Variants in CERCAM observed in about 807,000 individuals in gnomAD.
The protein encoded by CERCAM is inactive glycosyltransferase 25 family member 3.
CERCAM carries 59 observed loss-of-function variants against 66.0 expected under a neutral mutation model. That is an observed-to-expected ratio of 0.89 (90% confidence interval 0.73 to 1.11). The LOEUF (loss-of-function observed/expected upper bound fraction) is 1.11. Among genes scored for constraint, CERCAM ranks in the 50% most tolerant of loss-of-function variants. The pLI is 0.00. For missense variants in CERCAM, 840 were observed against 828.3 expected (o/e 1.01, Z -0.17); for synonymous variants, 318 against 343.6 (o/e 0.93, Z 0.83).
Position 128,434,569 on chromosome 9 carries a change from G to C in CERCAM, c.1491G>C (p.Leu497=), listed in dbSNP as rs1036274109. The C allele has an allele frequency of 1.2e-6, 2 of 1,611,110 alleles. No homozygotes were observed. The highest frequency in any genetic ancestry group is 2.7e-5 in the African/African-American group (2 of 74,922). Residue 497 remains leucine (L), a synonymous_variant, in exon 11 of 13, where the codon CTG becomes CTC. Coordinates refer to ENST00000372838, the MANE Select transcript of CERCAM (RefSeq NM_016174.5). The surrounding 1 kb of genome is among the most constrained non-coding windows in gnomAD (Gnocchi z 4.5). ...LLASQPLRRM[L]PVDEFLPIMF... is the part of the protein sequence containing the mutation. Reference sequence around the variant, plus strand: ...CCTCACAGCCTCTGCGCCGCATGCTGCCCGTGGACGAGTTCCTGCCCATCA... The same window carrying C: ...CCTCACAGCCTCTGCGCCGCATGCTCCCCGTGGACGAGTTCCTGCCCATCA...
chr9:128,422,068 T>C (rs1464433699), intron 1 of CERCAM: 1 of 152,286 alleles, frequency 6.6e-6, no homozygotes, highest in African/African-American at 2.4e-5. Flanking sequence ...TTAGGGACGC[T>C]TAGAGCATGG....
Position 128,421,090 on chromosome 9 carries a change from A to C in CERCAM, c.197+16A>C, listed in dbSNP as rs1320900788. 1.8e-5 allele frequency: 23 copies of C among 1,280,712 alleles called. No individual in the cohort carries two copies. The highest frequency in any genetic ancestry group is 1.9e-5 in the Non-Finnish European group (19 of 1,011,510). The allele number at this position is 1,280,712 out of a possible 1,614,324, so 79.3% of individuals were successfully genotyped here. On this transcript the variant is annotated intron_variant, in intron 1 of 12. Transcript: ENST00000372838. ...TGGCCCTCTGGTGAGAGACCCGGGC[A>C]TTGGCACCGAGTGGGCACCTAACCC... is the stretch of plus-strand genomic sequence containing the variant.
intron 12 of CERCAM, 76 bp downstream of exon 12, chr9:128,435,981 T>G: frequency 7.0e-7 from 1 of 1,436,354 alleles, no homozygotes; most frequent in East Asian, 2.4e-5. Flanking sequence ...TAACTGTGTC[T>G]GGGGCTGTTT....
rs1280481322 is a variant in CERCAM at position 128,434,662 on chromosome 9, C to CAGG, written c.1535+51_1535+53dup. 1.9e-6 allele frequency: 3 copies of CAGG among 1,547,428 alleles called. No individual in the cohort carries two copies. Among genetic ancestry groups the CAGG allele is most frequent in the Non-Finnish European group, 2.6e-6 (3 of 1,139,796 alleles). Reference sequence around the variant, plus strand: ...CATGGCAGGGCAGAGGCGTCCCCTCCAGGAACTCACCTCAGTCAGCAGGAA... The same window carrying CAGG: ...CATGGCAGGGCAGAGGCGTCCCCTCCAGGAGGAACTCACCTCAGTCAGCAGGAA... On this transcript the variant is annotated intron_variant, in intron 11 of 12. Transcript: ENST00000372838. This position sits in a 1 kb window ranked among gnomAD's most constrained non-coding sequence, Gnocchi z 4.5.
At chr9:128,428,502 A>G in intron 6 of CERCAM, 81 bp downstream of exon 6, 1 of 1,540,616 alleles carries the variant, frequency 6.5e-7, no homozygotes, top group Non-Finnish European at 8.8e-7. Flanking sequence ...TAGGCCCTGG[A>G]CGGAGCGGGC....
At position 128,424,678 on chromosome 9, in the gene CERCAM, G is replaced by C. The variant is rs112044402; in HGVS notation, c.766+64G>C. ...CTGCACATTTGCACATGCTATTCCA[G>C]CTGCTTACCATGCCCTTCCCTACTC... On this transcript the variant is annotated intron_variant, in intron 5 of 12. Transcript: ENST00000372838. 1.4e-4 allele frequency: 198 copies of C among 1,446,052 alleles called. 1 individual carries two copies. In the African/African-American group the frequency reaches 2.1e-3, roughly 15 times the overall value. 89.6% of individuals were successfully genotyped at this position (1,446,052 alleles called of 1,614,324 possible).
At chr9:128,432,222 C>T (rs1433754652) in intron 9 of CERCAM, among the ~76,000 whole-genome samples, 3 of 151,918 alleles carry the variant, frequency 2.0e-5, no homozygotes, top group Non-Finnish European at 4.4e-5. Context: ...CAGGGGGTTT[C>T]GCCATATTGG....
intron 1 of CERCAM, chr9:128,421,830 C>G (rs1370601944): frequency 6.6e-6 from 1 of 152,346 alleles, no homozygotes; most frequent in Admixed American, 6.5e-5. Context: ...GGGGGTGGAG[C>G]CCTGGCCTGG....
upstream of CERCAM, chr9:128,419,857 G>A (rs1833667449): frequency 6.6e-6 from 1 of 151,976 alleles, no homozygotes; most frequent in Admixed American, 6.5e-5. Flanking sequence ...AGAGGGCTGT[G>A]AGGGCTGTGC....
chr9:128,429,373 T>C (rs1833923715), intron 8 of CERCAM, among the ~76,000 whole-genome samples: 1 of 152,130 alleles, frequency 6.6e-6, no homozygotes, highest in Non-Finnish European at 1.5e-5. Context: ...GCCCTTCTCT[T>C]AGGGTTTTGT....
chr9:128,431,202 G>A lies in CERCAM; in HGVS notation c.1102G>A (p.Gly368Ser), dbSNP rs143305223. 1,414 of 1,613,934 alleles carry A rather than the reference G, an allele frequency of 8.8e-4. 15 individuals carry two copies. The African/African-American group carries it at 0.016, about 19-fold the overall frequency. ...MLNSSAIRNL[G>S]VDLLPGYQDP... ...CAACAGCAGTGCCATCAGGAACCTC[G>A]GCGTAGACCTGCTCCCGGGCTACCA... is the stretch of plus-strand genomic sequence containing the variant. Residue 368 changes from glycine (G) to serine (S), a missense_variant, in exon 9 of 13, where the codon GGC (glycine) becomes AGC (serine). Coordinates refer to ENST00000372838, the MANE Select transcript of CERCAM (RefSeq NM_016174.5).
intron 12 of CERCAM, among the ~76,000 whole-genome samples, chr9:128,436,243 T>C (rs532473881): frequency 1.3e-4 from 20 of 151,290 alleles, no homozygotes; most frequent in Non-Finnish European, 2.7e-4. Flanking sequence ...TTTATTTTTA[T>C]TTATTTATTT....
rs746005447 is a variant in CERCAM, at chr9:128,424,531, A to G, written c.683A>G (p.Gln228Arg). Residue 228 changes from glutamine to arginine, a missense_variant, in exon 5 of 13, where the codon CAG (glutamine) becomes CGG (arginine). Gln to Arg is a conservative substitution (Grantham distance 43). Coordinates refer to ENST00000372838, the MANE Select transcript of CERCAM (RefSeq NM_016174.5). ...LASLRAEGADQLAFYPPHPNY... is the reference protein window; with the variant it reads ...LASLRAEGADRLAFYPPHPNY... The stretch of plus-strand genomic sequence containing the variant: ...TCCCTGCGGGCTGAAGGGGCAGACC[A>G]GCTTGCTTTCTACCCGCCACATCCC... 10 of 1,613,956 alleles carry G rather than the reference A, an allele frequency of 6.2e-6. No homozygotes were observed. The highest frequency in any genetic ancestry group is 5.9e-6 in the Non-Finnish European group (7 of 1,180,012).
chr9:128,426,054 G>A (rs7849232), intron 5 of CERCAM, among the ~76,000 whole-genome samples: 1 of 151,140 alleles, frequency 6.6e-6, no homozygotes, highest in Non-Finnish European at 1.5e-5. Context: ...ATCTGCCCCC[G>A]CAGCCTCCCA....
At chr9:128,420,791 CGGCCCCGCCCGGGCCCCA>C (rs1346643446), upstream of CERCAM, 16 of 475,738 alleles carry the variant, frequency 3.4e-5, no homozygotes, top group Non-Finnish European at 4.3e-5. This position sits in a 1 kb window ranked among gnomAD's most constrained non-coding sequence, Gnocchi z 5.0. Context: ...GGGTCTGCCT[CGGCCCCGCCCGGGCCCCA>C]GGCCCCGCCC....
chr9:128,433,509 G>T (rs59447049), intron 9 of CERCAM, among the ~76,000 whole-genome samples: 4,943 of 152,172 alleles, frequency 0.032, 266 homozygotes, highest in African/African-American at 0.11. Flanking sequence ...TGGAGGAGTG[G>T]GAGGGGAGAT....
At chr9:128,431,386 A>C (rs1009850) in intron 9 of CERCAM, 83 bp downstream of exon 9, 825,648 of 1,545,696 alleles carry the variant, frequency 0.53, 222,672 homozygotes, top group Admixed American at 0.58. Context: ...TGAACGAGTG[A>C]GTGAATGAAG....
At chr9:128,429,826 C>T (rs546056682) in intron 8 of CERCAM, among the ~76,000 whole-genome samples, 2 of 151,014 alleles carry the variant, frequency 1.3e-5, no homozygotes, top group East Asian at 1.9e-4. Context: ...CTCGCTCTGT[C>T]GCCCAGGCCT....
At chr9:128,426,394 G>A in intron 5 of CERCAM, among the ~76,000 whole-genome samples, 1 of 152,112 alleles carries the variant, frequency 6.6e-6, no homozygotes, top group Admixed American at 6.5e-5. Context: ...GGAGGCCGAG[G>A]CAGGTGGATC....
Sources: gnomAD v4.1 joint callset for allele counts (sites outside exome capture counted in the v4.1 genomes callset) on GRCh38, gnomAD v4.1.1 for gene constraint, Gnocchi (gnomAD v3.1) non-coding constraint, MANE v1.5 for transcripts, NCBI Gene and HGNC (gene_info 2026-07-23, HGNC 2026-07-21) for gene names.